CHST6: variants seen among roughly 807,000 people sequenced by gnomAD.
The protein encoded by CHST6 is carbohydrate sulfotransferase 6.
For synonymous variants in CHST6, 309 were observed against 276.4 expected, an observed-to-expected ratio of 1.12 and a Z score of -1.17; for missense variants, 698 against 586.2, an observed-to-expected ratio of 1.19 and a Z score of -1.97.
chr16:75,494,493 C>T (rs1185111555), intron 1 of CHST6, among the ~76,000 whole-genome samples: 1 of 152,172 alleles, frequency 6.6e-6, no homozygotes, highest in Non-Finnish European at 1.5e-5. Context: ...TCAACATTTG[C>T]TAGGCACCTG....
intron 1 of CHST6, among the ~76,000 whole-genome samples, chr16:75,491,546 T>C (rs1218694282): frequency 6.6e-6 from 1 of 151,842 alleles, no homozygotes; most frequent in East Asian, 1.9e-4. Flanking sequence ...ATTTTTTGTA[T>C]TTTTTAGTAG....
chr16:75,474,826 C>G lies in CHST6; in HGVS notation c.*3815G>C, dbSNP rs563939196. 5.1e-6 allele frequency: 2 copies of G among 394,982 alleles called. No individual in the cohort carries two copies. Among genetic ancestry groups the G allele is most frequent in the Non-Finnish European group, 8.9e-6 (2 of 224,276 alleles). 24.5% of individuals were successfully genotyped at this position (394,982 alleles called of 1,614,324 possible). On this transcript the variant is annotated 3_prime_UTR_variant, in exon 3 of 3. Transcript: ENST00000332272. ...GGTGGTTTTTTTTAAGACAGACTCT[C>G]GCTTTGTTGCCCAGGCTGGAGTACA... is the stretch of plus-strand genomic sequence containing the variant.
chr16:75,492,568 G>A (rs1249006035), intron 1 of CHST6, among the ~76,000 whole-genome samples: 2 of 152,214 alleles, frequency 1.3e-5, no homozygotes, highest in Non-Finnish European at 2.9e-5. Flanking sequence ...ATAACTCAGG[G>A]CCGGGCGCGG....
chr16:75,479,102 G>T lies in CHST6; in HGVS notation c.727C>A (p.Arg243Ser). The change falls in exon 3 of 3, where the codon CGC becomes AGC. Residue 243 changes from arginine (R) to serine (S), a missense_variant. By Grantham distance (110) the Arg-to-Ser change is moderately radical (BLOSUM62 -1). Transcript: ENST00000332272. ...CGTACGTGGCTACGGCACACCTCGC[G>T]CACCACGCGCAGGCCGGGGTCGGCC... ...VEADPGLRVV[R>S]EVCRSHVRIA... 2 of 1,604,756 alleles carry T rather than the reference G, an allele frequency of 1.2e-6. No individual in the cohort carries two copies. Among genetic ancestry groups the T allele is most frequent in the South Asian group, 1.1e-5 (1 of 90,956 alleles).
At chr16:75,491,826 G>C (rs1456513848) in intron 1 of CHST6, among the ~76,000 whole-genome samples, 1 of 152,202 alleles carries the variant, frequency 6.6e-6, no homozygotes, top group African/African-American at 2.4e-5. Flanking sequence ...ACAGGTGCCT[G>C]CAAAACCATC....
In CHST6 at chr16:75,478,808, T is replaced by C. The variant is rs762143695; in HGVS notation, c.1021A>G (p.Lys341Glu). ...CACAGTTCCTGCACGCGGCGGATCT[T>C]GGCAAAGGGCAGCGCATGGCGCCAG... The part of the protein sequence containing the change: ...QAWRHALPFA[K>E]IRRVQELCAG... Residue 341 changes from lysine (K) to glutamate (E), a missense_variant, in exon 3 of 3, where the codon AAG (lysine) becomes GAG (glutamate). Physicochemically the swap from Lys to Glu is moderately conservative, Grantham distance 56 (BLOSUM62 1). Coordinates refer to ENST00000332272, the MANE Select transcript of CHST6 (RefSeq NM_021615.5). 1.2e-6 allele frequency: 2 copies of C among 1,613,458 alleles called. No homozygotes were observed. The highest frequency in any genetic ancestry group is 2.2e-5 in the South Asian group (2 of 91,082).
At chr16:75,481,047 C>T (rs1208492618) in intron 2 of CHST6, among the ~76,000 whole-genome samples, 4 of 151,510 alleles carry the variant, frequency 2.6e-5, no homozygotes, top group Non-Finnish European at 5.9e-5. Flanking sequence ...TACCTTGAGG[C>T]GAAAAGTTTG....
At position 75,479,149 on chromosome 16, in the gene CHST6, C is replaced by A; in HGVS notation, c.680G>T (p.Gly227Val). The change falls in exon 3 of 3, where the codon GGC becomes GTC. Residue 227 changes from glycine (G) to valine (V), a missense_variant. Transcript: ENST00000332272. Reference sequence around the variant, plus strand: ...GGCCTCCACCCACGTGCCGTTGGTGCCCAGCACGATGCCGTTGTCACGCGC... The same window carrying A: ...GGCCTCCACCCACGTGCCGTTGGTGACCAGCACGATGCCGTTGTCACGCGC... ...ALARDNGIVLGTNGTWVEADP... is the reference protein window; with the variant it reads ...ALARDNGIVLVTNGTWVEADP... The A allele has an allele frequency of 6.2e-7, 1 of 1,607,094 alleles. No individual in the cohort carries two copies. Among genetic ancestry groups the A allele is most frequent in the Non-Finnish European group, 8.5e-7 (1 of 1,178,908 alleles).
chr16:75,491,606 G>A (rs913151538), intron 1 of CHST6, among the ~76,000 whole-genome samples: 1 of 151,994 alleles, frequency 6.6e-6, no homozygotes, highest in South Asian at 2.1e-4. Flanking sequence ...TCCTGACCTC[G>A]TGATCCGCCT....
intron 1 of CHST6, among the ~76,000 whole-genome samples, chr16:75,491,141 G>T (rs1241860547): frequency 8.7e-6 from 1 of 115,108 alleles, no homozygotes; most frequent in African/African-American, 3.4e-5. Flanking sequence ...CTCCAGCTTG[G>T]GTGACAAGAG....
chr16:75,479,919 A>G, intron 2 of CHST6, 75 bp from the exon 3 acceptor site: 3 of 1,309,940 alleles, frequency 2.3e-6, no homozygotes, highest in South Asian at 1.3e-5. Flanking sequence ...CAGTGCCCGC[A>G]GGGGGCAGAT....
chr16:75,483,468 A>G lies in CHST6; in HGVS notation c.-91-1577T>C, dbSNP rs577245243. On this transcript the variant is annotated intron_variant, in intron 1 of 2. Coordinates refer to ENST00000332272, the MANE Select transcript of CHST6 (RefSeq NM_021615.5). ...AGGTGGTTGAATCATCCTACGCCACAGAGTCTCCAGAAGACCAGTTCCTAG... is the reference window on the plus strand; with the variant it reads ...AGGTGGTTGAATCATCCTACGCCACGGAGTCTCCAGAAGACCAGTTCCTAG... 1.5e-4 allele frequency among the ~76,000 whole-genome samples: 23 copies of G among 152,342 alleles called. No individual in the cohort carries two copies. The East Asian group carries it at 4.2e-3, about 28-fold the overall frequency.
chr16:75,480,681 C>A (rs2080131035), intron 2 of CHST6, among the ~76,000 whole-genome samples: 1 of 151,888 alleles, frequency 6.6e-6, no homozygotes, highest in Non-Finnish European at 1.5e-5. Flanking sequence ...GTAATCCCAG[C>A]ACTTTGGGAG....
At chr16:75,480,942 A>AAAAAAG (rs1567410797) in intron 2 of CHST6, among the ~76,000 whole-genome samples, 2 of 118,134 alleles carry the variant, frequency 1.7e-5, no homozygotes, top group African/African-American at 3.1e-5. Context: ...AAAAAAAAAA[A>AAAAAAG]AAAAGAAAAG....
intron 1 of CHST6, among the ~76,000 whole-genome samples, chr16:75,487,825 A>G (rs1385743484): frequency 1.9e-4 from 29 of 150,622 alleles, no homozygotes; most frequent in African/African-American, 6.8e-4. Context: ...AAAAAAAAAA[A>G]AAAAGAGAAA....
chr16:75,489,619 G>C (rs2080236167), intron 1 of CHST6, among the ~76,000 whole-genome samples: 1 of 151,782 alleles, frequency 6.6e-6, no homozygotes, highest in Non-Finnish European at 1.5e-5. Flanking sequence ...ACAGTTGGCT[G>C]GGTGTTAAAA....
chr16:75,493,262 G>C (rs561294288), intron 1 of CHST6, among the ~76,000 whole-genome samples: 2 of 152,192 alleles, frequency 1.3e-5, no homozygotes, highest in African/African-American at 4.8e-5. Context: ...TGTAATCCCA[G>C]CACTTTGCGA....
chr16:75,478,876 G>C lies in CHST6; in HGVS notation c.953C>G (p.Ala318Gly), dbSNP rs1190112069. The C allele has an allele frequency of 6.2e-7, 1 of 1,613,408 alleles. No individual in the cohort carries two copies. Among genetic ancestry groups the C allele is most frequent in the Non-Finnish European group, 8.5e-7 (1 of 1,179,974 alleles). ...HGSGPGARREAFKTSSRNALN... is the reference protein window; with the variant it reads ...HGSGPGARREGFKTSSRNALN... ...CGCATTCCTGGACGAAGTCTTGAAGGCTTCGCGGCGCGCACCAGGTCCAGA... is the reference window on the plus strand; with the variant it reads ...CGCATTCCTGGACGAAGTCTTGAAGCCTTCGCGGCGCGCACCAGGTCCAGA... Residue 318 changes from alanine (A) to glycine (G), a missense_variant, in exon 3 of 3, where the codon GCC (alanine) becomes GGC (glycine). By Grantham distance (60) the Ala-to-Gly change is moderately conservative. Transcript: ENST00000332272.
rs1395517423 is a variant in CHST6 at position 75,472,062 on chromosome 16, A to T, written c.*6579T>A. ...TAAAGTACTGGAAGCAAGCGTGAAGACCATTTTTATCACTGTAGCAGGACA... is the reference window on the plus strand; with the variant it reads ...TAAAGTACTGGAAGCAAGCGTGAAGTCCATTTTTATCACTGTAGCAGGACA... On this transcript the variant is annotated 3_prime_UTR_variant, in exon 3 of 3. Transcript: ENST00000332272. 2 of 152,236 alleles carry T rather than the reference A, an allele frequency of 1.3e-5. No homozygotes were observed. Among genetic ancestry groups the T allele is most frequent in the African/African-American group, 4.8e-5 (2 of 41,464 alleles). 9.4% of individuals were successfully genotyped at this position (152,236 alleles called of 1,614,324 possible).
Sources: allele counts gnomAD v4.1 joint callset (sites outside exome capture counted in the v4.1 genomes callset), GRCh38; gene constraint gnomAD v4.1.1; transcripts MANE v1.5; gene names NCBI Gene and HGNC (gene_info 2026-07-23, HGNC 2026-07-21).